TRPM3: variants seen among roughly 807,000 people sequenced by gnomAD.
TRPM3 encodes long transient receptor potential channel 3.
Under a neutral mutation model 181.2 loss-of-function variants are expected in TRPM3, and 77 were observed. The observed-to-expected ratio is 0.42, with a 90% confidence interval of 0.35 to 0.51. The LOEUF is 0.51. Among genes scored for constraint, TRPM3 ranks in the 20% least tolerant of loss-of-function variants. The pLI, the probability that TRPM3 is intolerant of heterozygous loss-of-function variation, is 0.01. For synonymous variants in TRPM3, 745 were observed against 796.4 expected (o/e 0.94, Z 1.09); for missense variants, 1,759 against 2,196.7 (o/e 0.80, Z 3.98).
At chr9:71,093,268 G>C (rs546509332) in intron 1 of TRPM3, among the ~76,000 whole-genome samples, 1 of 151,884 alleles carries the variant, frequency 6.6e-6, no homozygotes, top group Non-Finnish European at 1.5e-5. Context: ...TCTGCACAAC[G>C]AAAGAAACTA....
At chr9:70,548,188 G>C (rs1176714120) in intron 25 of TRPM3, among the ~76,000 whole-genome samples, 1 of 152,172 alleles carries the variant, frequency 6.6e-6, no homozygotes, top group Non-Finnish European at 1.5e-5. Context: ...TTAATAAATA[G>C]CTTTCTCAAG....
chr9:71,143,822 C>CT (rs2075264590), intron 1 of TRPM3, among the ~76,000 whole-genome samples: 1 of 152,132 alleles, frequency 6.6e-6, no homozygotes, highest in Non-Finnish European at 1.5e-5. Context: ...TATAAGCATT[C>CT]TTTTTTCTCC....
intron 1 of TRPM3, among the ~76,000 whole-genome samples, chr9:71,230,854 G>C (rs1023370953): frequency 6.6e-6 from 1 of 152,144 alleles, no homozygotes; most frequent in Non-Finnish European, 1.5e-5. Context: ...TAGAGTCCAA[G>C]CTCTGTGTTT....
chr9:71,083,674 A>G (rs990205272), intron 1 of TRPM3, among the ~76,000 whole-genome samples: 1 of 151,088 alleles, frequency 6.6e-6, no homozygotes, highest in East Asian at 2.0e-4. Context: ...ATTTATTGTA[A>G]CCAGTGTTGC....
At chr9:71,073,644 A>T (rs1173741710) in intron 1 of TRPM3, among the ~76,000 whole-genome samples, 2 of 125,608 alleles carry the variant, frequency 1.6e-5, no homozygotes, top group South Asian at 2.5e-4. Context: ...ATTATCAATA[A>T]AAAAAAAACC....
intron 7 of TRPM3, among the ~76,000 whole-genome samples, chr9:70,782,210 CT>C (rs548450519): frequency 8.8e-4 from 122 of 138,658 alleles, no homozygotes; most frequent in Admixed American, 1.3e-3. Flanking sequence ...TTTTTTTTTT[CT>C]TTTTTTTTTT....
intron 1 of TRPM3, among the ~76,000 whole-genome samples, chr9:71,337,275 A>G (rs2090626176): frequency 6.6e-6 from 1 of 152,252 alleles, no homozygotes; most frequent in Non-Finnish European, 1.5e-5. Flanking sequence ...GGCAAAGGAT[A>G]TGAACAGACA....
chr9:70,995,475 A>ATT (rs368118555), intron 1 of TRPM3, among the ~76,000 whole-genome samples: 2 of 149,368 alleles, frequency 1.3e-5, no homozygotes, highest in Admixed American at 6.7e-5. Flanking sequence ...CACTGGATCT[A>ATT]TTTTTTTTTT....
intron 1 of TRPM3, among the ~76,000 whole-genome samples, chr9:71,280,551 T>C (rs922800005): frequency 6.6e-6 from 1 of 152,076 alleles, no homozygotes; most frequent in Non-Finnish European, 1.5e-5. Context: ...AAGCCCTGGA[T>C]TTTTGAGAGA....
intron 1 of TRPM3, among the ~76,000 whole-genome samples, chr9:70,895,080 A>C (rs575110695): frequency 5.3e-5 from 8 of 152,334 alleles, no homozygotes; most frequent in African/African-American, 1.9e-4. Flanking sequence ...TATATTGTAC[A>C]TGAAGGCACT....
intron 1 of TRPM3, among the ~76,000 whole-genome samples, chr9:71,223,550 C>T (rs190469846): frequency 2.2e-4 from 33 of 152,260 alleles, no homozygotes; most frequent in Admixed American, 5.9e-4. Flanking sequence ...ACTTGTTTTT[C>T]GGCTTAGGTA....
At chr9:71,373,001 A>T (rs964806824) in intron 1 of TRPM3, among the ~76,000 whole-genome samples, 12 of 152,212 alleles carry the variant, frequency 7.9e-5, no homozygotes, top group African/African-American at 2.7e-4. Context: ...ATGGGAATTG[A>T]ACAACCTGCT....
intron 1 of TRPM3, among the ~76,000 whole-genome samples, chr9:71,195,826 G>C (rs1019982451): frequency 6.6e-6 from 1 of 151,954 alleles, no homozygotes; most frequent in Non-Finnish European, 1.5e-5. Flanking sequence ...ACAGAGCTAA[G>C]GGCCATTATC....
chr9:70,776,323 G>T, intron 7 of TRPM3: 1 of 616,730 alleles, frequency 1.6e-6, no homozygotes, highest in Non-Finnish European at 2.9e-6. Flanking sequence ...AGGAAGCTGG[G>T]GTAGGACACT....
At chr9:71,416,232 G>A (rs1406609134) in intron 1 of TRPM3, among the ~76,000 whole-genome samples, 1 of 151,716 alleles carries the variant, frequency 6.6e-6, no homozygotes, top group Non-Finnish European at 1.5e-5. Flanking sequence ...AGAGAACAGA[G>A]AAAAGTTAAT....
chr9:70,959,298 A>C (rs536486145), intron 1 of TRPM3, among the ~76,000 whole-genome samples: 4 of 152,078 alleles, frequency 2.6e-5, no homozygotes, highest in African/African-American at 9.7e-5. Flanking sequence ...ACAATTTAAT[A>C]CAATAATACA....
chr9:70,697,280 T>C (rs2134590424), intron 8 of TRPM3, among the ~76,000 whole-genome samples: 1 of 152,334 alleles, frequency 6.6e-6, no homozygotes, highest in Non-Finnish European at 1.5e-5. Flanking sequence ...GGCCCTGTCA[T>C]ATTATCCCCA....
chr9:71,003,209 A>AC (rs1554796533), intron 1 of TRPM3, among the ~76,000 whole-genome samples: 1 of 151,548 alleles, frequency 6.6e-6, no homozygotes. Context: ...AAAAAAAAAA[A>AC]AACACTTAAC....
intron 1 of TRPM3, among the ~76,000 whole-genome samples, chr9:70,881,576 G>C (rs1483583427): frequency 1.3e-5 from 2 of 152,198 alleles, no homozygotes; most frequent in African/African-American, 4.8e-5. Flanking sequence ...TTAAGCTGTT[G>C]ATAATTGAAG....
Sources: gnomAD v4.1 joint callset for allele counts (sites outside exome capture counted in the v4.1 genomes callset) on GRCh38, gnomAD v4.1.1 for gene constraint, MANE v1.5 for transcripts, NCBI Gene and HGNC (gene_info 2026-07-23, HGNC 2026-07-21) for gene names.